Variants in PSEN1 observed in about 807,000 individuals in gnomAD.
PSEN1 encodes the protein presenilin-1.
Under a neutral mutation model 53.5 loss-of-function variants are expected in PSEN1, and 15 were observed. That is an observed-to-expected ratio of 0.28 (90% confidence interval 0.19 to 0.43). The LOEUF is 0.43. Ranked by LOEUF, PSEN1 falls within the 20% of genes least tolerant of loss-of-function variation. PSEN1 has a pLI of 1.00. For missense variants in PSEN1, 387 were observed against 571.2 expected (o/e 0.68, Z 3.29); for synonymous variants, 208 against 209.8 (o/e 0.99, Z 0.08).
chr14:73,190,935 A>G (rs1434365030), intron 6 of PSEN1, among the ~76,000 whole-genome samples: 1 of 152,058 alleles, frequency 6.6e-6, no homozygotes, highest in East Asian at 1.9e-4. Flanking sequence ...TTCAATGTTT[A>G]CTCTATTTTG....
chr14:73,170,924 A>T lies in PSEN1; in HGVS notation c.215A>T (p.Glu72Val). 1 of 1,614,212 alleles carries T rather than the reference A, an allele frequency of 6.2e-7. No individual in the cohort carries two copies. The highest frequency in any genetic ancestry group is 1.1e-5 in the South Asian group (1 of 91,084). Residue 72 changes from glutamate (E) to valine (V), a missense_variant, in exon 4 of 12, where the codon GAG (glutamate) becomes GTG (valine). Around this residue, in one of 4 missense-constraint regions of PSEN1, gnomAD observed 99 missense variants for 101.5 expected, o/e 0.98. Coordinates refer to ENST00000324501, the MANE Select transcript of PSEN1 (RefSeq NM_000021.4). ...GAGCAAGATGAGGAAGAAGATGAGG[A>T]GCTGACATTGAAATATGGCGCCAAG... The part of the protein sequence containing the change: ...VVEQDEEEDE[E>V]LTLKYGAKHV...
intron 10 of PSEN1, among the ~76,000 whole-genome samples, chr14:73,213,215 G>C (rs953440414): frequency 2.6e-5 from 4 of 152,098 alleles, no homozygotes; most frequent in African/African-American, 9.7e-5. Context: ...ACTTTGTTCT[G>C]CCCTCAGTTA....
intron 6 of PSEN1, among the ~76,000 whole-genome samples, chr14:73,188,245 C>A (rs879726588): frequency 6.6e-6 from 1 of 152,062 alleles, no homozygotes; most frequent in Non-Finnish European, 1.5e-5. Context: ...TACATTTGAC[C>A]AAGTGGAGTT....
At chr14:73,195,731 A>C (rs1898913999) in intron 7 of PSEN1, among the ~76,000 whole-genome samples, 1 of 152,118 alleles carries the variant, frequency 6.6e-6, no homozygotes, top group Non-Finnish European at 1.5e-5. Flanking sequence ...AGATAAGACT[A>C]CAGGCACAGG....
At chr14:73,192,604 T>G (rs765328424) in intron 6 of PSEN1, 40 bp from the exon 7 acceptor site, 2 of 1,381,568 alleles carry the variant, frequency 1.4e-6, no homozygotes, top group Non-Finnish European at 1.0e-6. Context: ...TTGGTGAAAA[T>G]TATTGTACAT....
intron 3 of PSEN1, among the ~76,000 whole-genome samples, chr14:73,161,460 G>T (rs925819493): frequency 2.6e-5 from 4 of 152,042 alleles, no homozygotes; most frequent in African/African-American, 9.7e-5. Context: ...ACAACCCTCA[G>T]GTTCAGTAAT....
rs570834943 is a variant in PSEN1, at chr14:73,221,279, T to G, written c.*1990T>G. On this transcript the variant is annotated 3_prime_UTR_variant, in exon 12 of 12. Transcript: ENST00000324501. Reference sequence around the variant, plus strand: ...AGATTCATTCCCTCTCTCAGACATGTGCTAGCATGGGTATTATCATTGAGA... The same window carrying G: ...AGATTCATTCCCTCTCTCAGACATGGGCTAGCATGGGTATTATCATTGAGA... 42 of 152,294 alleles carry G rather than the reference T, an allele frequency of 2.8e-4. No individual in the cohort carries two copies. The highest frequency in any genetic ancestry group is 9.6e-4 in the African/African-American group (40 of 41,566). The allele number at this position is 152,294 out of a possible 1,614,324, so 9.4% of individuals were successfully genotyped here.
At chr14:73,202,463 T>TG (rs1491391826) in intron 8 of PSEN1, among the ~76,000 whole-genome samples, 1 of 10,256 alleles carries the variant, frequency 9.8e-5, no homozygotes, top group African/African-American at 4.6e-4. Flanking sequence ...TATATATATA[T>TG]TTTTTTTTTT....
In PSEN1 at chr14:73,144,118, G is replaced by A. The variant is rs1897003160; in HGVS notation, c.-135-3677G>A. On this transcript the variant is annotated intron_variant, in intron 1 of 11. Coordinates refer to ENST00000324501, the MANE Select transcript of PSEN1 (RefSeq NM_000021.4). ...TGCAGTGGCGTAATCTCAGCTGACT[G>A]CAACCTCTGCCTCCTGGGTTCAAGC... Among the ~76,000 whole-genome samples, 7 of 127,346 alleles carry A rather than the reference G, an allele frequency of 5.5e-5. 1 individual carries two copies. The South Asian group carries it at 1.8e-3, about 32-fold the overall frequency. 83.5% of individuals were successfully genotyped at this position (127,346 alleles called of 152,430 possible).
Position 73,222,795 on chromosome 14 carries a change from T to C in PSEN1, c.*3506T>C, listed in dbSNP as rs1900142367. 1 of 152,252 alleles carries C rather than the reference T, an allele frequency of 6.6e-6. No individual in the cohort carries two copies. The highest frequency in any genetic ancestry group is 1.5e-5 in the Non-Finnish European group (1 of 68,050). The allele number at this position is 152,252 out of a possible 1,614,324, so 9.4% of individuals were successfully genotyped here. A position where few individuals can be genotyped will look rare whatever the true frequency, so the allele number is the denominator to read the frequency against. On this transcript the variant is annotated 3_prime_UTR_variant, in exon 12 of 12. Transcript: ENST00000324501. The stretch of plus-strand genomic sequence containing the variant: ...TATACATTGGTGTTATAAAAGTGAC[T>C]TGATTCAGAAATCAATCCATTCAGT...
At chr14:73,167,259 C>T (rs1002119681) in intron 3 of PSEN1, among the ~76,000 whole-genome samples, 1 of 152,176 alleles carries the variant, frequency 6.6e-6, no homozygotes, top group South Asian at 2.1e-4. Flanking sequence ...AACGACATTG[C>T]AGGTTCAGTA....
In PSEN1 at chr14:73,217,026, T is replaced by C. The variant is rs546360831; in HGVS notation, c.1130-100T>C. 3.9e-6 allele frequency: 5 copies of C among 1,270,344 alleles called. No homozygotes were observed. In the East Asian group the frequency reaches 1.2e-4, roughly 29 times the overall value. 78.7% of individuals were successfully genotyped at this position (1,270,344 alleles called of 1,614,324 possible). On this transcript the variant is annotated intron_variant, in intron 10 of 11. Coordinates refer to ENST00000324501, the MANE Select transcript of PSEN1 (RefSeq NM_000021.4). Reference sequence around the variant, plus strand: ...TTTGTATATCATTTACTGACTTCTCTCATTCATTGTGGGGTTGAGTAGGGC... The same window carrying C: ...TTTGTATATCATTTACTGACTTCTCCCATTCATTGTGGGGTTGAGTAGGGC...
intron 1 of PSEN1, among the ~76,000 whole-genome samples, chr14:73,139,650 A>G (rs1896861576): frequency 6.6e-6 from 1 of 152,214 alleles, no homozygotes; most frequent in Non-Finnish European, 1.5e-5. Flanking sequence ...TTAACACAAT[A>G]TACCTAACAT....
At chr14:73,175,056 C>T (rs1898005788) in intron 5 of PSEN1, among the ~76,000 whole-genome samples, 1 of 152,156 alleles carries the variant, frequency 6.6e-6, no homozygotes. Flanking sequence ...CATGGTGGCT[C>T]ATGCCTGTAA....
intron 9 of PSEN1, among the ~76,000 whole-genome samples, chr14:73,206,996 G>A (rs531341012): frequency 6.6e-6 from 1 of 152,290 alleles, no homozygotes; most frequent in East Asian, 1.9e-4. Flanking sequence ...AATATTCTAG[G>A]TGGATATGAC....
At chr14:73,202,670 C>T (rs1022218964) in intron 8 of PSEN1, among the ~76,000 whole-genome samples, 2 of 150,550 alleles carry the variant, frequency 1.3e-5, no homozygotes, top group East Asian at 2.0e-4. Flanking sequence ...GACGGGGTTT[C>T]ACCGTGTTAG....
intron 9 of PSEN1, 128 bp from the exon 10 acceptor site, chr14:73,211,641 C>T (rs961148603): frequency 6.4e-6 from 6 of 931,568 alleles, no homozygotes; most frequent in African/African-American, 1.6e-5. Flanking sequence ...GGCACTGCTA[C>T]AGCCCATGCT....
At position 73,211,930 on chromosome 14, in the gene PSEN1, G is replaced by C. The variant is rs765890474; in HGVS notation, c.1117G>C (p.Asp373His). 1 of 1,613,768 alleles carries C rather than the reference G, an allele frequency of 6.2e-7. No homozygotes were observed. Among genetic ancestry groups the C allele is most frequent in the Non-Finnish European group, 8.5e-7 (1 of 1,179,882 alleles). Reference sequence around the variant, plus strand: ...TTCCAGCAGTATCCTCGCTGGTGAAGACCCAGAGGAAAGTATGTGCATTTC... The same window carrying C: ...TTCCAGCAGTATCCTCGCTGGTGAACACCCAGAGGAAAGTATGTGCATTTC... ...ELSSSILAGE[D>H]PEERGVKLGL... The change falls in exon 10 of 12, where the codon GAC becomes CAC. Residue 373 changes from aspartate to histidine, a missense_variant. This residue lies in a region of PSEN1 where 75 missense variants were observed against 63.7 expected (regional missense o/e 1.18). Transcript: ENST00000324501.
chr14:73,211,881 G>A lies in PSEN1; in HGVS notation c.1068G>A (p.Glu356=). ...TAGGGCCTCATCGCTCTACACCTGA[G>A]TCACGAGCTGCTGTCCAGGAACTTT... The part of the protein sequence containing the change: ...SHLGPHRSTP[E]SRAAVQELSS... Residue 356 remains glutamate (E), a synonymous_variant, in exon 10 of 12, where the codon GAG becomes GAA. Coordinates refer to ENST00000324501, the MANE Select transcript of PSEN1 (RefSeq NM_000021.4). The A allele has an allele frequency of 6.2e-7, 1 of 1,613,992 alleles. No individual in the cohort carries two copies. Among genetic ancestry groups the A allele is most frequent in the Non-Finnish European group, 8.5e-7 (1 of 1,180,006 alleles).
Sources: allele counts gnomAD v4.1 joint callset (sites outside exome capture counted in the v4.1 genomes callset), GRCh38; gene constraint gnomAD v4.1.1; regional missense constraint gnomAD v4.1.1; transcripts MANE v1.5; gene names NCBI Gene and HGNC (gene_info 2026-07-23, HGNC 2026-07-21).